SLC26A2: variants seen among roughly 807,000 people sequenced by gnomAD.
SLC26A2 encodes sulfate transporter.
A neutral mutation model predicts 41.1 loss-of-function variants in SLC26A2; 36 were observed. The observed-to-expected ratio is 0.88, with a 90% CI of 0.67 to 1.16. The LOEUF is 1.16. Ranked by LOEUF, SLC26A2 falls within the 50% of genes most tolerant of loss-of-function variation. The pLI, the probability that SLC26A2 is intolerant of heterozygous loss-of-function variation, is 0.00. For missense variants in SLC26A2, 796 were observed against 869.6 expected, an observed-to-expected ratio of 0.92 and a Z score of 1.07; for synonymous variants, 291 against 311.6, an observed-to-expected ratio of 0.93 and a Z score of 0.70.
intron 1 of SLC26A2, among the ~76,000 whole-genome samples, chr5:149,963,639 T>C (rs945661064): frequency 6.6e-6 from 1 of 151,858 alleles, no homozygotes; most frequent in Non-Finnish European, 1.5e-5. Context: ...GGTCTCGAAC[T>C]CCTGGCCTCA....
rs760046756 is a variant in SLC26A2 at position 149,981,502 on chromosome 5, G to A, written c.1909G>A (p.Val637Met). ...TGGTGGAATCCAGGATGAAATGTCA[G>A]TGCAACTTTCCCATGATCCCTTGGA... ...TLGGIQDEMS[V>M]QLSHDPLELH... Residue 637 changes from valine (V) to methionine (M), a missense_variant, in exon 3 of 3, where the codon GTG becomes ATG. Transcript: ENST00000286298. 6 of 1,614,152 alleles carry A rather than the reference G, an allele frequency of 3.7e-6. No individual in the cohort carries two copies. Among genetic ancestry groups the A allele is most frequent in the Non-Finnish European group, 5.1e-6 (6 of 1,180,004 alleles).
At position 149,980,823 on chromosome 5, in the gene SLC26A2, C is replaced by T. The variant is rs759662003; in HGVS notation, c.1230C>T (p.Tyr410=). 6.2e-7 allele frequency: 1 copy of T among 1,614,106 alleles called. No homozygotes were observed. Among genetic ancestry groups the T allele is most frequent in the Non-Finnish European group, 8.5e-7 (1 of 1,180,012 alleles). ...AGATGTTTGCCAAGAAACATGGTTA[C>T]ACAGTCAAAGCAAACCAGGAAATGT... is the stretch of plus-strand genomic sequence containing the variant. ...LSEMFAKKHG[Y]TVKANQEMYA... The change falls in exon 3 of 3, where the codon TAC becomes TAT. Residue 410 remains tyrosine, a synonymous_variant. Coordinates refer to ENST00000286298, the MANE Select transcript of SLC26A2 (RefSeq NM_000112.4).
At chr5:149,976,969 A>G (rs779376086) in intron 1 of SLC26A2, among the ~76,000 whole-genome samples, 2 of 152,208 alleles carry the variant, frequency 1.3e-5, no homozygotes, top group Non-Finnish European at 2.9e-5. Flanking sequence ...TGCCCTTTAC[A>G]TTCAGCACCC....
intron 2 of SLC26A2, among the ~76,000 whole-genome samples, 158 bp from the exon 3 acceptor site, chr5:149,980,135 T>C (rs1755065294): frequency 6.6e-6 from 1 of 152,216 alleles, no homozygotes; most frequent in African/African-American, 2.4e-5. Flanking sequence ...ATTTTCATCT[T>C]TGTAAAATGA....
At position 149,984,141 on chromosome 5, in the gene SLC26A2, A is replaced by G. The variant is rs1755152964; in HGVS notation, c.*2328A>G. On this transcript the variant is annotated 3_prime_UTR_variant, in exon 3 of 3. Transcript: ENST00000286298. ...GTTCTGGAACGTTATGCATGCAGTT[A>G]GCGAATCCTTGAATTATGTTCTGGT... is the stretch of plus-strand genomic sequence containing the variant. 1 of 152,242 alleles carries G rather than the reference A, an allele frequency of 6.6e-6. No individual in the cohort carries two copies. The highest frequency in any genetic ancestry group is 2.4e-5 in the African/African-American group (1 of 41,464). The allele number at this position is 152,242 out of a possible 1,614,324, so 9.4% of individuals were successfully genotyped here.
At chr5:149,962,173 C>T (rs1240774731) in intron 1 of SLC26A2, 1 of 152,124 alleles carries the variant, frequency 6.6e-6, no homozygotes, top group Non-Finnish European at 1.5e-5. Context: ...TCCTGGATCT[C>T]ATCCTTGGAT....
Position 149,980,613 on chromosome 5 carries a change from T to A in SLC26A2, c.1020T>A (p.Val340=). ...KAPIPIELVV[V]VAATLASHFG... Reference sequence around the variant, plus strand: ...CGATTCCTATTGAACTTGTTGTTGTTGTAGCAGCCACATTAGCCTCTCATT... The same window carrying A: ...CGATTCCTATTGAACTTGTTGTTGTAGTAGCAGCCACATTAGCCTCTCATT... The change falls in exon 3 of 3, where the codon GTT becomes GTA. Residue 340 remains valine, a synonymous_variant. Transcript: ENST00000286298. The A allele has an allele frequency of 6.2e-7, 1 of 1,614,092 alleles. No homozygotes were observed. Among genetic ancestry groups the A allele is most frequent in the Non-Finnish European group, 8.5e-7 (1 of 1,179,964 alleles).
rs1755191706 is a variant in SLC26A2, at chr5:149,985,988, A to C, written c.*4175A>C. Reference sequence around the variant, plus strand: ...TTCAGTGTGAAATGGTAAACATCCAATTGACAGGATTTAGATTTTGCTTAG... The same window carrying C: ...TTCAGTGTGAAATGGTAAACATCCACTTGACAGGATTTAGATTTTGCTTAG... On this transcript the variant is annotated 3_prime_UTR_variant, in exon 3 of 3. Coordinates refer to ENST00000286298, the MANE Select transcript of SLC26A2 (RefSeq NM_000112.4). 6.6e-6 allele frequency: 1 copy of C among 152,200 alleles called. No homozygotes were observed. The highest frequency in any genetic ancestry group is 2.4e-5 in the African/African-American group (1 of 41,440). The allele number at this position is 152,200 out of a possible 1,614,324, so 9.4% of individuals were successfully genotyped here. A position where few individuals can be genotyped will look rare whatever the true frequency, so the allele number is the denominator to read the frequency against.
chr5:149,980,929 A>T lies in SLC26A2; in HGVS notation c.1336A>T (p.Lys446Ter), dbSNP rs1326271684. 4 of 1,614,056 alleles carry T rather than the reference A, an allele frequency of 2.5e-6. No individual in the cohort carries two copies. The highest frequency in any genetic ancestry group is 3.4e-6 in the Non-Finnish European group (4 of 1,180,030). Residue 446 changes from lysine to a stop codon, truncating the protein, a stop_gained, in exon 3 of 3, where the codon AAA becomes TAA. Transcript: ENST00000286298. LOFTEE classifies it high-confidence loss of function. The part of the protein sequence containing the change: ...TSAALAKTLV[K>*]ESTGCHTQLS... Reference sequence around the variant, plus strand: ...TGCAGCTCTTGCAAAGACATTGGTTAAAGAATCAACAGGCTGCCATACTCA... The same window carrying T: ...TGCAGCTCTTGCAAAGACATTGGTTTAAGAATCAACAGGCTGCCATACTCA...
At chr5:149,964,258 G>A (rs1462196395) in intron 1 of SLC26A2, among the ~76,000 whole-genome samples, 4 of 152,142 alleles carry the variant, frequency 2.6e-5, no homozygotes, top group East Asian at 3.9e-4. Context: ...TTGGGAGGCC[G>A]TGGCAGGCAG....
At chr5:149,971,117 A>G (rs1331062641) in intron 1 of SLC26A2, among the ~76,000 whole-genome samples, 1 of 152,158 alleles carries the variant, frequency 6.6e-6, no homozygotes, top group Non-Finnish European at 1.5e-5. Context: ...TCCTCTGATG[A>G]GTTGTTGTCT....
At position 149,980,518 on chromosome 5, in the gene SLC26A2, C is replaced by T. The variant is rs1051469969; in HGVS notation, c.925C>T (p.Leu309Phe). Reference protein sequence around the residue: ...KTNLCDLITSLLCLLVLLPTK... With the variant: ...KTNLCDLITSFLCLLVLLPTK... ...CAATCTCTGTGATCTTATCACCAGC[C>T]TTTTGTGCCTTTTGGTTCTTTTGCC... Residue 309 changes from leucine to phenylalanine, a missense_variant, in exon 3 of 3, where the codon CTT (leucine) becomes TTT (phenylalanine). By Grantham distance (22) the Leu-to-Phe change is conservative. Coordinates refer to ENST00000286298, the MANE Select transcript of SLC26A2 (RefSeq NM_000112.4). The T allele has an allele frequency of 5.0e-6, 8 of 1,614,154 alleles. No individual in the cohort carries two copies. The highest frequency in any genetic ancestry group is 5.9e-6 in the Non-Finnish European group (7 of 1,180,006).
At chr5:149,975,507 G>A (rs923213741) in intron 1 of SLC26A2, among the ~76,000 whole-genome samples, 5 of 152,154 alleles carry the variant, frequency 3.3e-5, no homozygotes, top group Admixed American at 6.5e-5. Flanking sequence ...AAAATAGGAC[G>A]TTGGTGCACT....
At position 149,981,632 on chromosome 5, in the gene SLC26A2, A is replaced by T. The variant is rs765518011; in HGVS notation, c.2039A>T (p.Gln680Leu). The change falls in exon 3 of 3, where the codon CAG (glutamine) becomes CTG (leucine). Residue 680 changes from glutamine to leucine, a missense_variant. By Grantham distance (113) the Gln-to-Leu change is moderately radical (BLOSUM62 -2). Coordinates refer to ENST00000286298, the MANE Select transcript of SLC26A2 (RefSeq NM_000112.4). Reference protein sequence around the residue: ...VRRDYEAIGIQVLLAQCNPTV... With the variant: ...VRRDYEAIGILVLLAQCNPTV... ...AGAGATTATGAAGCCATTGGAATCC[A>T]GGTTCTGCTGGCTCAGTGCAATCCC... The T allele has an allele frequency of 6.2e-7, 1 of 1,614,162 alleles. No homozygotes were observed. The highest frequency in any genetic ancestry group is 1.1e-5 in the South Asian group (1 of 91,082).
Position 149,981,369 on chromosome 5 carries a change from A to G in SLC26A2, c.1776A>G (p.Lys592=), listed in dbSNP as rs570536938. The G allele has an allele frequency of 6.2e-5, 100 of 1,614,160 alleles. 2 individuals are homozygous for G. In the South Asian group the frequency reaches 9.9e-4, roughly 16 times the overall value. The change falls in exon 3 of 3, where the codon AAA becomes AAG. Residue 592 remains lysine, a synonymous_variant. Transcript: ENST00000286298. ...TAGCCCCTCTCTACTACATAAACAA[A>G]GAATGCTTTAAATCTGCTTTATACA... ...RFVAPLYYIN[K]ECFKSALYKQ...
intron 1 of SLC26A2, 88 bp downstream of exon 1, chr5:149,961,067 C>T (rs1316668742): frequency 6.6e-6 from 1 of 152,338 alleles, no homozygotes; most frequent in African/African-American, 2.4e-5. Context: ...GTCATTCTGC[C>T]TGGGTCCCCG....
intron 1 of SLC26A2, among the ~76,000 whole-genome samples, chr5:149,964,380 C>T (rs1454083039): frequency 6.6e-6 from 1 of 152,088 alleles, no homozygotes; most frequent in Non-Finnish European, 1.5e-5. Context: ...GTGATCCCAG[C>T]TACTCAGGAT....
chr5:149,976,340 A>T (rs933392319), intron 1 of SLC26A2, among the ~76,000 whole-genome samples: 4 of 152,080 alleles, frequency 2.6e-5, no homozygotes, highest in Non-Finnish European at 1.5e-5. Flanking sequence ...TCACTAATAC[A>T]AGAGTGTGGT....
chr5:149,969,958 A>G (rs755045061), intron 1 of SLC26A2, among the ~76,000 whole-genome samples: 18 of 152,206 alleles, frequency 1.2e-4, no homozygotes, highest in South Asian at 2.1e-4. Context: ...GATTTTGGGT[A>G]GAAATTGGGT....
Sources: allele counts gnomAD v4.1 joint callset (sites outside exome capture counted in the v4.1 genomes callset), GRCh38; gene constraint gnomAD v4.1.1; transcripts MANE v1.5; gene names NCBI Gene and HGNC (gene_info 2026-07-23, HGNC 2026-07-21).